Variants in GRAMD1C observed in about 807,000 individuals in gnomAD.
GRAMD1C encodes protein Aster-C.
Under a neutral mutation model 97.8 loss-of-function variants are expected in GRAMD1C, and 89 were observed. That is an observed-to-expected ratio of 0.91 (90% CI 0.77 to 1.09). The LOEUF is 1.09. GRAMD1C is among the 50% of genes least tolerant of loss of function. The pLI, the probability that GRAMD1C is intolerant of heterozygous loss-of-function variation, is 0.00. For synonymous variants in GRAMD1C, 256 were observed against 267.0 expected, an observed-to-expected ratio of 0.96 and a Z score of 0.40; for missense variants, 740 against 766.4, an observed-to-expected ratio of 0.97 and a Z score of 0.41.
At chr3:113,871,766 A>G (rs1934824087) in intron 3 of GRAMD1C, among the ~76,000 whole-genome samples, 1 of 147,900 alleles carries the variant, frequency 6.8e-6, no homozygotes, top group Non-Finnish European at 1.5e-5. Flanking sequence ...AAAAAAAAAA[A>G]CAACCAACAA....
chr3:113,894,663 T>TTTAA (rs1158206103), intron 6 of GRAMD1C, among the ~76,000 whole-genome samples: 1 of 152,134 alleles, frequency 6.6e-6, no homozygotes, highest in African/African-American at 2.4e-5. Context: ...TCCTTGGAAA[T>TTTAA]TTAAGAGTAT....
chr3:113,832,643 T>A (rs1032193380), intron 1 of GRAMD1C, among the ~76,000 whole-genome samples: 1 of 152,158 alleles, frequency 6.6e-6, no homozygotes, highest in Non-Finnish European at 1.5e-5. Flanking sequence ...ACTTCCTTTC[T>A]CTATGAATTT....
chr3:113,945,750 C>A lies in GRAMD1C; in HGVS notation c.*272C>A, dbSNP rs920978577. 1.7e-5 allele frequency: 6 copies of A among 353,426 alleles called. No individual in the cohort carries two copies. The highest frequency in any genetic ancestry group is 7.7e-4 in the Middle Eastern group (1 of 1,292). The allele number at this position is 353,426 out of a possible 1,614,324, so 21.9% of individuals were successfully genotyped here. ...ATTATAGAACTGAATTTCTCTGATA[C>A]AAAAAGAAAATGACACACCCTGAAT... On this transcript the variant is annotated 3_prime_UTR_variant, in exon 18 of 18. Coordinates refer to ENST00000358160, the MANE Select transcript of GRAMD1C (RefSeq NM_017577.5).
chr3:113,913,142 G>T (rs568115358), intron 9 of GRAMD1C: 178 of 1,259,238 alleles, frequency 1.4e-4, no homozygotes, highest in Admixed American at 2.3e-4. Context: ...ATCTACTCTG[G>T]CCCCCAGTGG....
Position 113,862,928 on chromosome 3 carries a change from AAGAT to A in GRAMD1C, c.175-6575_175-6572del, listed in dbSNP as rs565610868. On this transcript the variant is annotated intron_variant, in intron 2 of 17. Transcript: ENST00000358160. ...ACCCATTCAGATGGCTGTAATAAGA[AAGAT>A]AGAGATTAGATTTGGTGAGGATGTG... Among the ~76,000 whole-genome samples, 110 of 152,290 alleles carry A rather than the reference AAGAT, an allele frequency of 7.2e-4. No individual in the cohort carries two copies. The South Asian group carries it at 0.023, about 31-fold the overall frequency.
At chr3:113,877,767 G>C (rs575340191) in intron 5 of GRAMD1C, among the ~76,000 whole-genome samples, 1 of 151,540 alleles carries the variant, frequency 6.6e-6, no homozygotes, top group Non-Finnish European at 1.5e-5. Flanking sequence ...GTAGTAATAA[G>C]TATTTTGGGG....
At chr3:113,852,050 A>G (rs948712348) in intron 2 of GRAMD1C, among the ~76,000 whole-genome samples, 1 of 152,074 alleles carries the variant, frequency 6.6e-6, no homozygotes, top group African/African-American at 2.4e-5. Flanking sequence ...GTACTTTATC[A>G]GTAACTTATC....
intron 2 of GRAMD1C, among the ~76,000 whole-genome samples, chr3:113,866,771 A>G (rs1035667775): frequency 1.3e-5 from 2 of 152,076 alleles, no homozygotes; most frequent in African/African-American, 4.8e-5. Context: ...TGCTTCAACT[A>G]ATGTTATTAT....
chr3:113,895,789 A>G (rs564758933), intron 6 of GRAMD1C, among the ~76,000 whole-genome samples: 128 of 151,998 alleles, frequency 8.4e-4, no homozygotes, highest in African/African-American at 3.0e-3. Context: ...CAAGCCAGAA[A>G]CCTAGATGTA....
intron 5 of GRAMD1C, among the ~76,000 whole-genome samples, chr3:113,879,128 C>T (rs1347952099): frequency 1.3e-5 from 2 of 152,134 alleles, no homozygotes; most frequent in Non-Finnish European, 2.9e-5. Context: ...TCGCTTGAAC[C>T]CGGGGGGTGG....
chr3:113,852,410 A>G (rs1192714481), intron 2 of GRAMD1C, among the ~76,000 whole-genome samples: 3 of 152,206 alleles, frequency 2.0e-5, no homozygotes, highest in Admixed American at 1.3e-4. Flanking sequence ...AATTTTAAGT[A>G]TAGTTAGATA....
At chr3:113,895,748 A>G (rs1456118564) in intron 6 of GRAMD1C, among the ~76,000 whole-genome samples, 1 of 152,104 alleles carries the variant, frequency 6.6e-6, no homozygotes, top group African/African-American at 2.4e-5. Context: ...TCCCTTGGTC[A>G]GTGAGCTACA....
At chr3:113,871,003 A>ATG in intron 3 of GRAMD1C, among the ~76,000 whole-genome samples, 1 of 100,136 alleles carries the variant, frequency 1.0e-5, no homozygotes, top group South Asian at 3.9e-4. Flanking sequence ...ACACACACAC[A>ATG]CACACACACA....
chr3:113,884,387 A>G (rs2107404686), intron 6 of GRAMD1C, among the ~76,000 whole-genome samples: 1 of 152,354 alleles, frequency 6.6e-6, no homozygotes, highest in Admixed American at 6.5e-5. Flanking sequence ...CATGAGGGAA[A>G]TTAGCAAATA....
Position 113,946,643 on chromosome 3 carries a change from C to A in GRAMD1C, c.*1165C>A, listed in dbSNP as rs1281512840. The A allele has an allele frequency of 6.6e-6, 1 of 152,176 alleles. No homozygotes were observed. Among genetic ancestry groups the A allele is most frequent in the Non-Finnish European group, 1.5e-5 (1 of 68,024 alleles). The allele number at this position is 152,176 out of a possible 1,614,324, so 9.4% of individuals were successfully genotyped here. ...CTGTTTTGTCTCTTGAGCCCTTTCT[C>A]TGGGGAAAAAATACATATCCATCTA... is the stretch of plus-strand genomic sequence containing the variant. On this transcript the variant is annotated 3_prime_UTR_variant, in exon 18 of 18. Coordinates refer to ENST00000358160, the MANE Select transcript of GRAMD1C (RefSeq NM_017577.5).
At chr3:113,850,725 T>A (rs1353733312) in intron 2 of GRAMD1C, 3 of 1,527,174 alleles carry the variant, frequency 2.0e-6, no homozygotes, top group Admixed American at 3.6e-5. Context: ...TTCTTAGGCA[T>A]CAACATCTCC....
In GRAMD1C at chr3:113,838,904, G is replaced by A. The variant is rs565512547; in HGVS notation, c.-6G>A. On this transcript the variant is annotated 5_prime_UTR_variant, in exon 1 of 18. Transcript: ENST00000358160. The stretch of plus-strand genomic sequence containing the variant: ...GGGCGGTGCCGCGGCGGCGGAGGGA[G>A]CCGCGATGGAGGGCGCTCCGACTGT... 8.1e-6 allele frequency: 10 copies of A among 1,231,566 alleles called. No homozygotes were observed. The highest frequency in any genetic ancestry group is 1.0e-5 in the Non-Finnish European group (10 of 987,090). 76.3% of individuals were successfully genotyped at this position (1,231,566 alleles called of 1,614,324 possible).
upstream of GRAMD1C, among the ~76,000 whole-genome samples, chr3:113,835,027 TC>T (rs1233480212): frequency 6.6e-6 from 1 of 152,288 alleles, no homozygotes; most frequent in East Asian, 1.9e-4. Flanking sequence ...CTATGGTTTT[TC>T]CATATGTTTT....
Position 113,904,290 on chromosome 3 carries a change from C to T in GRAMD1C, c.789+18C>T. ...CAAAAGGAGTTAGTATATGATATCC[C>T]TTTTAAAATATATCTGGTACTGTCA... is the stretch of plus-strand genomic sequence containing the variant. On this transcript the variant is annotated intron_variant, in intron 8 of 17. Coordinates refer to ENST00000358160, the MANE Select transcript of GRAMD1C (RefSeq NM_017577.5). 6.5e-7 allele frequency: 1 copy of T among 1,527,838 alleles called. No individual in the cohort carries two copies. Among genetic ancestry groups the T allele is most frequent in the Non-Finnish European group, 9.1e-7 (1 of 1,101,980 alleles). 94.6% of individuals were successfully genotyped at this position (1,527,838 alleles called of 1,614,324 possible).
Sources: gnomAD v4.1 joint callset for allele counts (sites outside exome capture counted in the v4.1 genomes callset) on GRCh38, gnomAD v4.1.1 for gene constraint, MANE v1.5 for transcripts, NCBI Gene and HGNC (gene_info 2026-07-23, HGNC 2026-07-21) for gene names.